The following NPAS3 variants were observed in gnomAD, a reference collection of about 807,000 sequenced individuals.
NPAS3 encodes neuronal PAS domain protein 3, also known as neuronal PAS domain-containing protein 3.
In NPAS3, 14 loss-of-function variants were observed where a neutral mutation model predicts 73.1. The ratio of observed to expected loss-of-function variants is 0.19; its 90% CI spans 0.13 to 0.30. The LOEUF is 0.30. Among genes scored for constraint, NPAS3 ranks in the 10% least tolerant of loss-of-function variants. The probability of loss-of-function intolerance (pLI) is 1.00; values close to 1 mark genes in which losing one functional copy is unlikely to be tolerated. For missense variants in NPAS3, 1,096 were observed against 1,250.0 expected (o/e 0.88, Z 1.86); for synonymous variants, 620 against 541.5 (o/e 1.14, Z -2.01).
At chr14:33,274,288 A>G (rs1230604455) in intron 3 of NPAS3, among the ~76,000 whole-genome samples, 1 of 152,222 alleles carries the variant, frequency 6.6e-6, no homozygotes, top group African/African-American at 2.4e-5. Flanking sequence ...AGAAACATTT[A>G]GGCTGGACTT....
At chr14:33,363,587 C>A (rs1377948419) in intron 3 of NPAS3, among the ~76,000 whole-genome samples, 2 of 152,070 alleles carry the variant, frequency 1.3e-5, no homozygotes, top group African/African-American at 4.8e-5. Flanking sequence ...ATTTTTAACC[C>A]TTGTAAAACA....
chr14:33,578,080 C>T (rs902176573), intron 5 of NPAS3, among the ~76,000 whole-genome samples: 1 of 152,182 alleles, frequency 6.6e-6, no homozygotes, highest in East Asian at 1.9e-4. Flanking sequence ...TTTTCTAGTT[C>T]TTTCTAAAGG....
Position 33,653,876 on chromosome 14 carries a change from G to T in NPAS3, c.559-22335G>T, listed in dbSNP as rs144788323. 2.0e-5 allele frequency among the ~76,000 whole-genome samples: 3 copies of T among 152,270 alleles called. No individual in the cohort carries two copies. In the South Asian group the frequency reaches 6.2e-4, roughly 32 times the overall value. ...TTTTATTCCTAACTAAAACAGGCCC[G>T]TTATTGTGTAGAAATAGATGTGCCT... On this transcript the variant is annotated intron_variant, in intron 5 of 11. Transcript: ENST00000356141.
intron 1 of NPAS3, among the ~76,000 whole-genome samples, chr14:33,026,370 T>C (rs2138306604): frequency 6.6e-6 from 1 of 152,316 alleles, no homozygotes; most frequent in South Asian, 2.1e-4. Context: ...TAAACCTTCT[T>C]AGGGCAGGGA....
chr14:33,671,089 C>G (rs1317754725), intron 5 of NPAS3, among the ~76,000 whole-genome samples: 1 of 152,128 alleles, frequency 6.6e-6, no homozygotes, highest in Non-Finnish European at 1.5e-5. Flanking sequence ...CTTTCTTTAT[C>G]TAAGCATTCT....
intron 2 of NPAS3, among the ~76,000 whole-genome samples, chr14:33,117,862 G>T (rs2043116783): frequency 6.6e-6 from 1 of 152,196 alleles, no homozygotes; most frequent in Middle Eastern, 3.4e-3. Context: ...TGACATTTTT[G>T]TGTGTCAGTG....
chr14:33,239,097 A>T (rs2048133095), intron 3 of NPAS3, among the ~76,000 whole-genome samples: 2 of 151,926 alleles, frequency 1.3e-5, no homozygotes, highest in African/African-American at 4.8e-5. Context: ...AATGGCACAT[A>T]TTTGGCCTCA....
chr14:33,411,528 T>C (rs1435191175), intron 4 of NPAS3, among the ~76,000 whole-genome samples: 2 of 152,266 alleles, frequency 1.3e-5, no homozygotes, highest in East Asian at 1.9e-4. Context: ...TACTGGAATC[T>C]AGGGGATAGA....
At chr14:33,418,218 C>T (rs1022615391) in intron 4 of NPAS3, among the ~76,000 whole-genome samples, 2 of 151,894 alleles carry the variant, frequency 1.3e-5, no homozygotes, top group African/African-American at 4.8e-5. Flanking sequence ...TGTGCATCCC[C>T]CATTTGCCCT....
intron 4 of NPAS3, among the ~76,000 whole-genome samples, chr14:33,476,809 T>C (rs970496761): frequency 6.6e-6 from 1 of 152,186 alleles, no homozygotes; most frequent in African/African-American, 2.4e-5. Flanking sequence ...ATATTGGTAG[T>C]TTGCCTGCTG....
At chr14:33,712,102 C>G (rs1194880813) in intron 6 of NPAS3, among the ~76,000 whole-genome samples, 1 of 152,054 alleles carries the variant, frequency 6.6e-6, no homozygotes, top group Non-Finnish European at 1.5e-5. Flanking sequence ...AATAAGCACT[C>G]CAAGTACTCC....
At chr14:33,064,691 C>T (rs986015447) in intron 2 of NPAS3, among the ~76,000 whole-genome samples, 3 of 152,192 alleles carry the variant, frequency 2.0e-5, no homozygotes, top group Middle Eastern at 3.2e-3. Context: ...CATTCTGGAA[C>T]ACTTAGAAAA....
At chr14:33,156,284 A>G (rs201734396) in intron 2 of NPAS3, among the ~76,000 whole-genome samples, 1 of 152,116 alleles carries the variant, frequency 6.6e-6, no homozygotes, top group East Asian at 1.9e-4. Flanking sequence ...CTGCAGATTG[A>G]TCTATTGAAT....
chr14:33,136,230 T>C (rs919357512), intron 2 of NPAS3, among the ~76,000 whole-genome samples: 1 of 151,872 alleles, frequency 6.6e-6, no homozygotes, highest in African/African-American at 2.4e-5. Context: ...CCAGCTAATT[T>C]TTATATTTTT....
chr14:33,439,854 G>A lies in NPAS3; in HGVS notation c.468+72586G>A, dbSNP rs189232540. On this transcript the variant is annotated intron_variant, in intron 4 of 11. Transcript: ENST00000356141. ...GTTACGGCTGGGCGTGGTGGCTCAC[G>A]CCTGTAATCCCAGCACTTTGGGAGG... is the stretch of plus-strand genomic sequence containing the variant. Among the ~76,000 whole-genome samples, 896 of 152,238 alleles carry A rather than the reference G, an allele frequency of 5.9e-3. 5 individuals are homozygous for A. Among genetic ancestry groups the A allele is most frequent in the African/African-American group, 0.021 (857 of 41,544 alleles).
At chr14:33,215,325 G>A (rs1026007290) in exon 3 of NPAS3, 1 of 1,583,292 alleles carries the variant, frequency 6.3e-7, no homozygotes, top group Non-Finnish European at 8.7e-7. Context: ...TCCATCATTC[G>A]ACTTACAATT....
chr14:33,215,624 A>G (rs1448022250), intron 3 of NPAS3, 198 bp downstream of exon 3: 2 of 733,084 alleles, frequency 2.7e-6, no homozygotes, highest in Non-Finnish European at 4.9e-6. Flanking sequence ...TTTATTTTCA[A>G]AAAGTCTATC....
chr14:33,354,970 C>T (rs966902385), intron 3 of NPAS3, among the ~76,000 whole-genome samples: 6 of 152,168 alleles, frequency 3.9e-5, no homozygotes, highest in African/African-American at 7.2e-5. Context: ...AGCACACACA[C>T]GTGCTCATGT....
intron 5 of NPAS3, among the ~76,000 whole-genome samples, chr14:33,614,468 A>G (rs1257982719): frequency 6.6e-6 from 1 of 152,190 alleles, no homozygotes; most frequent in Non-Finnish European, 1.5e-5. Context: ...ACATGGAGAG[A>G]AGAAAGAGCA....
Sources: gnomAD v4.1 joint callset for allele counts (sites outside exome capture counted in the v4.1 genomes callset) on GRCh38, gnomAD v4.1.1 for gene constraint, MANE v1.5 for transcripts, NCBI Gene and HGNC (gene_info 2026-07-23, HGNC 2026-07-21) for gene names.